The following NPHP3 variants were observed in gnomAD, a reference collection of about 807,000 sequenced individuals.
NPHP3 encodes the protein nephrocystin 3, also known as nephrocystin-3.
NPHP3 carries 123 observed loss-of-function variants against 171.9 expected under a neutral mutation model. The ratio of observed to expected loss-of-function variants is 0.72; its 90% confidence interval spans 0.62 to 0.83. The LOEUF is 0.83. Ranked by LOEUF, NPHP3 falls within the 40% of genes least tolerant of loss-of-function variation. The pLI, the probability that NPHP3 is intolerant of heterozygous loss-of-function variation, is 0.00. For missense variants in NPHP3, 1,506 were observed against 1,591.9 expected (o/e 0.95, Z 0.92); for synonymous variants, 558 against 579.2 (o/e 0.96, Z 0.52).
chr3:132,716,696 G>C, intron 4 of NPHP3, 61 bp downstream of exon 4: 3 of 1,557,708 alleles, frequency 1.9e-6, no homozygotes, highest in Non-Finnish European at 2.7e-6. Context: ...TCCAGCACAA[G>C]ATTATAAAAC....
intron 15 of NPHP3, among the ~76,000 whole-genome samples, chr3:132,695,896 T>C (rs1939440691): frequency 6.6e-6 from 1 of 152,190 alleles, no homozygotes; most frequent in African/African-American, 2.4e-5. Context: ...ATCAAGCCTC[T>C]GCTCTCCAGC....
chr3:132,689,674 A>C (rs1939251257), intron 19 of NPHP3, among the ~76,000 whole-genome samples: 1 of 152,224 alleles, frequency 6.6e-6, no homozygotes, highest in South Asian at 2.1e-4. Context: ...AAATTATTTT[A>C]AGTATGGAAA....
chr3:132,708,166 T>C lies in NPHP3; in HGVS notation c.1210A>G (p.Ser404Gly). The change falls in exon 7 of 27, where the codon AGT becomes GGT. Residue 404 changes from serine to glycine, a missense_variant. By Grantham distance (56) the Ser-to-Gly change is moderately conservative. Transcript: ENST00000337331. ...IFHRLEDGKVSSDSVQQLIDQ... is the reference protein window; with the variant it reads ...IFHRLEDGKVGSDSVQQLIDQ... The stretch of plus-strand genomic sequence containing the variant: ...ATCAATTGCTGGACAGAGTCAGAAC[T>C]GACTTTTCCATCTTCCAAACGATGA... 1 of 1,614,156 alleles carries C rather than the reference T, an allele frequency of 6.2e-7. No individual in the cohort carries two copies. Among genetic ancestry groups the C allele is most frequent in the Non-Finnish European group, 8.5e-7 (1 of 1,179,956 alleles).
At position 132,684,373 on chromosome 3, in the gene NPHP3, A is replaced by G. The variant is rs115163664; in HGVS notation, c.3570+181T>C. Among the ~76,000 whole-genome samples the G allele has an allele frequency of 5.4e-3, 823 of 152,342 alleles. 10 individuals are homozygous for G. Among genetic ancestry groups the G allele is most frequent in the African/African-American group, 0.018 (766 of 41,580 alleles). On this transcript the variant is annotated intron_variant, in intron 24 of 26. Coordinates refer to ENST00000337331, the MANE Select transcript of NPHP3 (RefSeq NM_153240.5). ...TTCAGAATCAAGAATCAATGTAACC[A>G]GTTCAGTATAAAATAATTATTTTTA...
chr3:132,711,051 A>G (rs546611669), intron 6 of NPHP3, among the ~76,000 whole-genome samples: 2 of 152,246 alleles, frequency 1.3e-5, no homozygotes, highest in Non-Finnish European at 2.9e-5. Flanking sequence ...TGTGGATACC[A>G]TCTGCACACA....
Position 132,682,708 on chromosome 3 carries a change from C to T in NPHP3, c.3807G>A (p.Val1269=), listed in dbSNP as rs1221044746. Residue 1269 remains valine, a synonymous_variant, in exon 26 of 27, where the codon GTG becomes GTA. Transcript: ENST00000337331. ...AAAGTGAAAAAAATTCTTACCTAAG[C>T]ACAGCTAAATTTTTCAGTGTTTCTC... ...RVGETLKNLA[V]LSYEGGDFEK... is the part of the protein sequence containing the mutation. The T allele has an allele frequency of 1.9e-6, 3 of 1,598,912 alleles. No homozygotes were observed. The highest frequency in any genetic ancestry group is 3.3e-5 in the Admixed American group (2 of 59,974).
chr3:132,702,975 T>G (rs1299904708), intron 9 of NPHP3, among the ~76,000 whole-genome samples: 1 of 152,216 alleles, frequency 6.6e-6, no homozygotes, highest in East Asian at 1.9e-4. Flanking sequence ...CTCCCAGATC[T>G]GCAATCTACT....
In NPHP3 at chr3:132,722,301, T is replaced by C; in HGVS notation, c.55A>G (p.Thr19Ala). 1 of 1,580,746 alleles carries C rather than the reference T, an allele frequency of 6.3e-7. No individual in the cohort carries two copies. Among genetic ancestry groups the C allele is most frequent in the South Asian group, 1.1e-5 (1 of 89,048 alleles). ...SPAGGEVIED[T>A]YGAGGGEACE... ...GCCTCGCCGCCGCCCGCCCCGTACG[T>C]GTCCTCGATCACTTCCCCGCCCGCG... is the stretch of plus-strand genomic sequence containing the variant. The change falls in exon 1 of 27, where the codon ACG becomes GCG. Residue 19 changes from threonine (T) to alanine (A), a missense_variant. This residue lies in a region of NPHP3 where 930 missense variants were observed against 924.9 expected (regional missense o/e 1.01). Coordinates refer to ENST00000337331, the MANE Select transcript of NPHP3 (RefSeq NM_153240.5).
chr3:132,682,759 G>C lies in NPHP3; in HGVS notation c.3756C>G (p.Ser1252Arg), dbSNP rs143451766. ...YERALKIYED[S>R]LGRMHPRVGE... ...CAACTCGAGGATGCATCCGACCCAG[G>C]CTATCTTCATAAATCTTTAATGCTC... The change falls in exon 26 of 27, where the codon AGC becomes AGG. Residue 1252 changes from serine (S) to arginine (R), a missense_variant. Physicochemically the swap from Ser to Arg is moderately radical, Grantham distance 110 (BLOSUM62 -1). Coordinates refer to ENST00000337331, the MANE Select transcript of NPHP3 (RefSeq NM_153240.5). The C allele has an allele frequency of 9.1e-4, 1,470 of 1,613,506 alleles. 1 individual carries two copies. Among genetic ancestry groups the C allele is most frequent in the Non-Finnish European group, 1.1e-3 (1,349 of 1,179,558 alleles).
intron 12 of NPHP3, 108 bp from the exon 13 acceptor site, chr3:132,699,558 G>C (rs371711373): frequency 6.2e-6 from 5 of 808,698 alleles, no homozygotes; most frequent in African/African-American, 3.5e-5. Context: ...ATCTTATTAA[G>C]GATAAAAATC....
intron 1 of NPHP3, 47 bp downstream of exon 1, chr3:132,721,916 C>T (rs917768657): frequency 1.2e-6 from 2 of 1,601,688 alleles, no homozygotes; most frequent in Admixed American, 1.7e-5. Flanking sequence ...GCAGGACGGC[C>T]GTGCTTCCCA....
chr3:132,694,880 G>A lies in NPHP3; in HGVS notation c.2257C>T (p.His753Tyr), dbSNP rs1029644435. The A allele has an allele frequency of 1.2e-6, 2 of 1,613,478 alleles. No homozygotes were observed. The highest frequency in any genetic ancestry group is 2.7e-5 in the African/African-American group (2 of 74,910). Residue 753 changes from histidine to tyrosine, a missense_variant, in exon 16 of 27, where the codon CAC (histidine) becomes TAC (tyrosine). This residue lies in a region of NPHP3 where 930 missense variants were observed against 924.9 expected (regional missense o/e 1.01). Coordinates refer to ENST00000337331, the MANE Select transcript of NPHP3 (RefSeq NM_153240.5). ...DTLSLYRLVL[H>Y]SIRESMANDV... Reference sequence around the variant, plus strand: ...TTTGCCATGGACTCCCGGATAGAGTGCAGAACAAGTCTATATAATGAAAGA... The same window carrying A: ...TTTGCCATGGACTCCCGGATAGAGTACAGAACAAGTCTATATAATGAAAGA...
chr3:132,694,384 C>A (rs1184785626), intron 16 of NPHP3, among the ~76,000 whole-genome samples: 3 of 149,690 alleles, frequency 2.0e-5, no homozygotes, highest in Admixed American at 1.3e-4. Context: ...TGTGTTTACA[C>A]ACACACACAC....
At chr3:132,714,939 TAAGAA>T (rs1311361228) in intron 5 of NPHP3, 141 bp downstream of exon 5, 2 of 624,286 alleles carry the variant, frequency 3.2e-6, no homozygotes, top group Admixed American at 3.0e-5. Context: ...TATTTTCTCT[TAAGAA>T]AAGCCCAAGA....
At chr3:132,686,140 G>T in intron 23 of NPHP3, 120 bp downstream of exon 23, 1 of 1,017,696 alleles carries the variant, frequency 9.8e-7, no homozygotes, top group Non-Finnish European at 1.5e-6. Context: ...CATCATACAT[G>T]AAATTTTGCG....
intron 19 of NPHP3, 84 bp downstream of exon 19, chr3:132,690,444 A>T: frequency 7.4e-7 from 1 of 1,353,126 alleles, no homozygotes; most frequent in Non-Finnish European, 1.0e-6. Flanking sequence ...TAATTTTTAA[A>T]TTAAAAATAC....
At chr3:132,694,320 C>T (rs889941415) in intron 16 of NPHP3, among the ~76,000 whole-genome samples, 6 of 151,296 alleles carry the variant, frequency 4.0e-5, no homozygotes, top group Admixed American at 6.6e-5. Context: ...ACTTCACACA[C>T]GAAGAAAAAA....
chr3:132,697,990 T>C (rs1423625692), intron 13 of NPHP3, among the ~76,000 whole-genome samples: 3 of 152,076 alleles, frequency 2.0e-5, no homozygotes, highest in African/African-American at 7.2e-5. Flanking sequence ...CTCTACTTTT[T>C]TTTTTTTTTG....
Position 132,697,357 on chromosome 3 carries a change from C to G in NPHP3, c.1991G>C (p.Trp664Ser). 1 of 1,603,304 alleles carries G rather than the reference C, an allele frequency of 6.2e-7. No individual in the cohort carries two copies. Among genetic ancestry groups the G allele is most frequent in the East Asian group, 2.2e-5 (1 of 44,738 alleles). The change falls in exon 14 of 27, where the codon TGG becomes TCG. Residue 664 changes from tryptophan to serine, a missense_variant. Transcript: ENST00000337331. ...TAAGGGATCAAGATGAAGTGTAGGC[C>G]ACAACCTTTTATGTAAAGAAAAGAA... ...VETCPPAWRL[W>S]PTLHLDPLSP... is the part of the protein sequence containing the mutation.
Sources: gnomAD v4.1 joint callset for allele counts (sites outside exome capture counted in the v4.1 genomes callset) on GRCh38, gnomAD v4.1.1 for gene constraint, gnomAD v4.1.1 regional missense constraint, MANE v1.5 for transcripts, NCBI Gene and HGNC (gene_info 2026-07-23, HGNC 2026-07-21) for gene names.